PSG11: variants seen among roughly 807,000 people sequenced by gnomAD.
The protein encoded by PSG11 is pregnancy specific beta-1-glycoprotein 11, also known as pregnancy-specific beta-1-glycoprotein 11.
In PSG11, 42 loss-of-function variants were observed where a neutral mutation model predicts 36.0. That is an observed-to-expected ratio of 1.17 (90% CI 0.91 to 1.51). The LOEUF (loss-of-function observed/expected upper bound fraction) is 1.51, where lower values mean the gene tolerates loss of function less well. PSG11 is among the 40% of genes most tolerant of loss of function. PSG11 has a pLI of 0.00. For missense variants in PSG11, 558 were observed against 403.5 expected (o/e 1.38, Z -3.28); for synonymous variants, 206 against 153.5 (o/e 1.34, Z -2.53).
intron 4 of PSG11, chr19:43,010,516 G>A (rs577522973): frequency 9.3e-6 from 7 of 754,618 alleles, no homozygotes; most frequent in African/African-American, 9.1e-5. Flanking sequence ...CCCAGGAAGG[G>A]TGTGAAAGCA....
At chr19:43,013,048 A>G (rs182539972) in intron 4 of PSG11, among the ~76,000 whole-genome samples, 2 of 151,564 alleles carry the variant, frequency 1.3e-5, no homozygotes, top group South Asian at 2.1e-4. Flanking sequence ...GTTCTCACCA[A>G]ATGGTATTGG....
At chr19:43,011,888 T>C (rs528628597) in intron 4 of PSG11, among the ~76,000 whole-genome samples, 10 of 143,326 alleles carry the variant, frequency 7.0e-5, no homozygotes, top group South Asian at 2.3e-4. Flanking sequence ...AGAGTGAGAG[T>C]CTGTCTCTCT....
At chr19:43,017,986 C>A (rs1229187241) in intron 3 of PSG11, among the ~76,000 whole-genome samples, 1 of 151,198 alleles carries the variant, frequency 6.6e-6, no homozygotes, top group Non-Finnish European at 1.5e-5. Flanking sequence ...GGTTTTGGAG[C>A]AGAAACATAT....
At chr19:43,020,579 C>T (rs1221810496) in intron 2 of PSG11, among the ~76,000 whole-genome samples, 1 of 151,356 alleles carries the variant, frequency 6.6e-6, no homozygotes, top group Non-Finnish European at 1.5e-5. Flanking sequence ...AGATCAATTG[C>T]TGGTAGTAGT....
At chr19:43,022,979 GA>G (rs1434640167) in intron 2 of PSG11, among the ~76,000 whole-genome samples, 1 of 150,696 alleles carries the variant, frequency 6.6e-6, no homozygotes, top group African/African-American at 2.5e-5. Flanking sequence ...AATGAAGTGG[GA>G]GGAAGATGAG....
intron 3 of PSG11, 166 bp downstream of exon 3, chr19:43,018,604 A>C (rs2122811262): frequency 6.7e-7 from 1 of 1,502,440 alleles, no homozygotes; most frequent in Admixed American, 1.7e-5. Flanking sequence ...CTGTGGATCA[A>C]GCCTAGGCCT....
At chr19:43,009,561 A>G (rs1793075566) in intron 5 of PSG11, among the ~76,000 whole-genome samples, 1 of 151,414 alleles carries the variant, frequency 6.6e-6, no homozygotes, top group Admixed American at 6.6e-5. Flanking sequence ...TAGAAAGGTA[A>G]TGAGGCAGTT....
rs1346535764 is a variant in PSG11, at chr19:43,015,215, G to A, written c.865C>T (p.Pro289Ser). 6.2e-7 allele frequency: 1 copy of A among 1,611,252 alleles called. No homozygotes were observed. Among genetic ancestry groups the A allele is most frequent in the Non-Finnish European group, 8.5e-7 (1 of 1,178,362 alleles). ...FQLSGQKLFI[P>S]QITPKHNGLY... ...CCATTATGCTTTGGAGTAATCTGAG[G>A]GATAAAGAGCTTTTGTCCTGATAGC... is the stretch of plus-strand genomic sequence containing the variant. The change falls in exon 4 of 6, where the codon CCT becomes TCT. Residue 289 changes from proline (P) to serine (S), a missense_variant. Coordinates refer to ENST00000320078, the MANE Select transcript of PSG11 (RefSeq NM_002785.3).
At chr19:43,012,809 T>A (rs1974109527) in intron 4 of PSG11, among the ~76,000 whole-genome samples, 1 of 151,410 alleles carries the variant, frequency 6.6e-6, no homozygotes, top group African/African-American at 2.4e-5. Context: ...TTGAATCTCA[T>A]GACTCTAAAT....
chr19:43,025,972 C>G (rs1255400464), intron 1 of PSG11, among the ~76,000 whole-genome samples: 1 of 97,570 alleles, frequency 1.0e-5, no homozygotes, highest in African/African-American at 4.2e-5. Flanking sequence ...GATGGAGTCT[C>G]GTACTGTCAC....
At chr19:43,018,138 A>G (rs1485964033) in intron 3 of PSG11, among the ~76,000 whole-genome samples, 4 of 151,180 alleles carry the variant, frequency 2.6e-5, no homozygotes, top group Admixed American at 6.6e-5. Context: ...CCTCTTGATT[A>G]TGAGATTTGT....
chr19:43,011,762 G>A (rs1974082067), intron 4 of PSG11, among the ~76,000 whole-genome samples: 2 of 150,806 alleles, frequency 1.3e-5, no homozygotes, highest in South Asian at 2.1e-4. Context: ...ATGGTGACAT[G>A]CACCTGTAGT....
intron 3 of PSG11, chr19:43,016,102 G>T: frequency 6.4e-7 from 1 of 1,552,856 alleles, no homozygotes; most frequent in Non-Finnish European, 8.7e-7. Context: ...TCCTCCACAG[G>T]CATCCTTCAA....
intron 2 of PSG11, among the ~76,000 whole-genome samples, chr19:43,023,671 G>A (rs1339925278): frequency 2.6e-5 from 4 of 151,158 alleles, no homozygotes; most frequent in Non-Finnish European, 5.9e-5. Flanking sequence ...CACTTCTGGT[G>A]GAGGAGAGGA....
chr19:43,010,248 G>A, intron 4 of PSG11: 3 of 1,454,922 alleles, frequency 2.1e-6, no homozygotes, highest in Non-Finnish European at 2.7e-6. Flanking sequence ...TCAGTCCTCT[G>A]TCAATTCTCT....
In PSG11 at chr19:43,010,890, C is replaced by CATATATATATAT. The variant is rs10566441; in HGVS notation, c.965-861_965-850dup. 2.0e-3 allele frequency among the ~76,000 whole-genome samples: 280 copies of CATATATATATAT among 140,436 alleles called. 2 individuals carry two copies. The highest frequency in any genetic ancestry group is 6.8e-3 in the African/African-American group (256 of 37,610). 92.1% of individuals were successfully genotyped at this position (140,436 alleles called of 152,430 possible). A position where few individuals can be genotyped will look rare whatever the true frequency, so the allele number is the denominator to read the frequency against. ...GTGTTTTATGTGTTACCTCTTTTTC[C>CATATATATATAT]ATATATATATATATATATATATATG... On this transcript the variant is annotated intron_variant, in intron 4 of 5. Coordinates refer to ENST00000320078, the MANE Select transcript of PSG11 (RefSeq NM_002785.3).
intron 2 of PSG11, among the ~76,000 whole-genome samples, chr19:43,021,697 T>C (rs1043999272): frequency 3.3e-5 from 5 of 151,666 alleles, no homozygotes; most frequent in East Asian, 1.9e-4. Context: ...TTCAGCTTTT[T>C]ACTTAGTGTT....
intron 4 of PSG11, among the ~76,000 whole-genome samples, chr19:43,013,195 T>G (rs1293233008): frequency 2.0e-5 from 3 of 151,400 alleles, no homozygotes; most frequent in Non-Finnish European, 2.9e-5. Flanking sequence ...TTCATGATAC[T>G]GGATTTCACA....
chr19:43,014,185 G>T lies in PSG11; in HGVS notation c.964+931C>A, dbSNP rs1308810415. 1.9e-5 allele frequency: 6 copies of T among 324,108 alleles called. 1 individual carries two copies. The highest frequency in any genetic ancestry group is 1.4e-4 in the African/African-American group (6 of 44,024). 20.1% of individuals were successfully genotyped at this position (324,108 alleles called of 1,614,324 possible). On this transcript the variant is annotated intron_variant, in intron 4 of 5. Transcript: ENST00000320078. Reference sequence around the variant, plus strand: ...GTAAGAGGAAAAAGTTCTGGAAATGGATAGTGTGATGGTTACATAACACTA... The same window carrying T: ...GTAAGAGGAAAAAGTTCTGGAAATGTATAGTGTGATGGTTACATAACACTA...
Sources: gnomAD v4.1 joint callset for allele counts (sites outside exome capture counted in the v4.1 genomes callset) on GRCh38, gnomAD v4.1.1 for gene constraint, MANE v1.5 for transcripts, NCBI Gene and HGNC (gene_info 2026-07-23, HGNC 2026-07-21) for gene names.